KCNIP4: variants seen among roughly 807,000 people sequenced by gnomAD.
KCNIP4 encodes Kv channel-interacting protein 4.
KCNIP4 carries 12 observed loss-of-function variants against 34.0 expected under a neutral mutation model. The observed-to-expected ratio is 0.35, with a 90% CI of 0.23 to 0.57. The LOEUF is 0.57. Among genes scored for constraint, KCNIP4 ranks in the 20% least tolerant of loss-of-function variants. KCNIP4 has a pLI of 0.83. For synonymous variants in KCNIP4, 124 were observed against 102.2 expected (o/e 1.21, Z -1.29); for missense variants, 238 against 311.7 (o/e 0.76, Z 1.78).
intron 1 of KCNIP4, among the ~76,000 whole-genome samples, chr4:20,951,297 G>A (rs1732765973): frequency 6.6e-6 from 1 of 152,080 alleles, no homozygotes; most frequent in African/African-American, 2.4e-5. Context: ...AGTTGTTTAA[G>A]CCACCTATTC....
At chr4:21,205,507 G>A (rs1465829440) in intron 1 of KCNIP4, among the ~76,000 whole-genome samples, 1 of 152,182 alleles carries the variant, frequency 6.6e-6, no homozygotes, top group Non-Finnish European at 1.5e-5. Flanking sequence ...CCGTTCTCCA[G>A]ATGAGGAGCC....
At chr4:21,429,998 A>T (rs1361481631) in intron 1 of KCNIP4, among the ~76,000 whole-genome samples, 1 of 152,142 alleles carries the variant, frequency 6.6e-6, no homozygotes, top group Non-Finnish European at 1.5e-5. Flanking sequence ...CTTAAAAGAA[A>T]ATTATAAAAT....
At chr4:20,965,203 G>C (rs1367759697) in intron 1 of KCNIP4, among the ~76,000 whole-genome samples, 2 of 152,164 alleles carry the variant, frequency 1.3e-5, no homozygotes, top group South Asian at 2.1e-4. Flanking sequence ...AGTATTCACT[G>C]TCTATCCTAT....
At chr4:21,527,661 G>A (rs1736086018) in intron 1 of KCNIP4, among the ~76,000 whole-genome samples, 1 of 152,120 alleles carries the variant, frequency 6.6e-6, no homozygotes, top group Non-Finnish European at 1.5e-5. Context: ...TGTTACAGAC[G>A]TAAAATTCAA....
At chr4:21,786,540 T>C (rs1719925697) in intron 1 of KCNIP4, among the ~76,000 whole-genome samples, 1 of 151,468 alleles carries the variant, frequency 6.6e-6, no homozygotes, top group African/African-American at 2.4e-5. Context: ...TTGTCTACAT[T>C]GAGTGATTTT....
intron 1 of KCNIP4, among the ~76,000 whole-genome samples, chr4:21,444,352 T>C (rs1263084411): frequency 6.6e-6 from 1 of 152,224 alleles, no homozygotes; most frequent in Non-Finnish European, 1.5e-5. Flanking sequence ...ATATCCCTGA[T>C]GAACATTGAT....
In KCNIP4 at chr4:20,792,148, C is replaced by T. The variant is rs997993661; in HGVS notation, c.289-33258G>A. ...CAGCACTTTGAGAAGCTGAGGCAGG[C>T]GGATCATCTGAAGTCAGGAGTTTGA... On this transcript the variant is annotated intron_variant, in intron 3 of 8. Coordinates refer to ENST00000382152, the MANE Select transcript of KCNIP4 (RefSeq NM_025221.6). 4.6e-5 allele frequency among the ~76,000 whole-genome samples: 7 copies of T among 152,186 alleles called. No homozygotes were observed. The East Asian group carries it at 5.8e-4, about 13-fold the overall frequency.
intron 1 of KCNIP4, among the ~76,000 whole-genome samples, chr4:21,370,846 T>TAC (rs1720337803): frequency 1.6e-4 from 4 of 24,500 alleles, no homozygotes; most frequent in African/African-American, 1.1e-3. Context: ...TATATATATA[T>TAC]ATATACACAC....
rs1577432936 is a variant in KCNIP4 at position 20,956,968 on chromosome 4, G to A, written c.62-74259C>T. On this transcript the variant is annotated intron_variant, in intron 1 of 8. Transcript: ENST00000382152. ...GTTCACTTAGCCTCACAATTCTGAT[G>A]TATATAGTTTGATTAGTAGTGTTAC... is the stretch of plus-strand genomic sequence containing the variant. 2.0e-5 allele frequency among the ~76,000 whole-genome samples: 3 copies of A among 151,986 alleles called. No individual in the cohort carries two copies. In the South Asian group the frequency reaches 6.2e-4, roughly 31 times the overall value.
intron 1 of KCNIP4, among the ~76,000 whole-genome samples, chr4:20,932,720 TTAAA>T (rs1052027766): frequency 2.0e-5 from 3 of 152,204 alleles, no homozygotes; most frequent in African/African-American, 7.2e-5. Context: ...CAAAATATGC[TTAAA>T]TACAGATTCA....
chr4:20,732,163 A>C, intron 7 of KCNIP4, 95 bp from the exon 8 acceptor site: 1 of 828,710 alleles, frequency 1.2e-6, no homozygotes, highest in Non-Finnish European at 2.0e-6. Flanking sequence ...AAGAAAACCT[A>C]GCTGCTTATT....
intron 1 of KCNIP4, among the ~76,000 whole-genome samples, chr4:21,043,619 G>A (rs1456714310): frequency 3.9e-5 from 6 of 151,968 alleles, no homozygotes; most frequent in East Asian, 1.9e-4. Context: ...GATGACAGCC[G>A]TGAGCCACTG....
chr4:21,548,069 T>C (rs1738280794), intron 1 of KCNIP4, among the ~76,000 whole-genome samples: 1 of 152,058 alleles, frequency 6.6e-6, no homozygotes, highest in Non-Finnish European at 1.5e-5. Flanking sequence ...CATAAGTACT[T>C]AACAGTAAAA....
At chr4:21,156,994 T>C (rs377211458) in intron 1 of KCNIP4, among the ~76,000 whole-genome samples, 27 of 152,260 alleles carry the variant, frequency 1.8e-4, no homozygotes, top group African/African-American at 5.3e-4. Context: ...GCTTTTCTCA[T>C]TGGCACAATA....
At chr4:21,415,905 G>A (rs1490828078) in intron 1 of KCNIP4, among the ~76,000 whole-genome samples, 2 of 152,044 alleles carry the variant, frequency 1.3e-5, no homozygotes, top group Admixed American at 6.6e-5. Flanking sequence ...GGAAAGATAT[G>A]GGATGATAAT....
intron 1 of KCNIP4, among the ~76,000 whole-genome samples, chr4:21,416,589 G>A (rs1409799160): frequency 6.6e-6 from 1 of 152,160 alleles, no homozygotes; most frequent in African/African-American, 2.4e-5. Flanking sequence ...AAAATGGTTG[G>A]AAGACAGGAA....
chr4:21,215,064 T>C (rs1372741548), intron 1 of KCNIP4, among the ~76,000 whole-genome samples: 1 of 152,216 alleles, frequency 6.6e-6, no homozygotes, highest in Non-Finnish European at 1.5e-5. Context: ...TATAGGTACA[T>C]ATTGACAGCC....
chr4:21,067,911 A>G (rs1383112800), intron 1 of KCNIP4, among the ~76,000 whole-genome samples: 1 of 152,218 alleles, frequency 6.6e-6, no homozygotes, highest in African/African-American at 2.4e-5. Context: ...CATTTCCTAT[A>G]ATTTTCATTA....
chr4:21,919,177 A>C (rs1294823076), intron 1 of KCNIP4, among the ~76,000 whole-genome samples: 1 of 152,186 alleles, frequency 6.6e-6, no homozygotes, highest in East Asian at 1.9e-4. Flanking sequence ...TGTGTGCTGC[A>C]GATTGTAGAC....
Sources: allele counts gnomAD v4.1 joint callset (sites outside exome capture counted in the v4.1 genomes callset), GRCh38; gene constraint gnomAD v4.1.1; transcripts MANE v1.5; gene names NCBI Gene and HGNC (gene_info 2026-07-23, HGNC 2026-07-21).